TBCA: variants seen among roughly 807,000 people sequenced by gnomAD.
The protein encoded by TBCA is tubulin folding cofactor A.
In TBCA, 6 loss-of-function variants were observed where a neutral mutation model predicts 15.8. The observed-to-expected ratio is 0.38, with a 90% CI of 0.21 to 0.75. TBCA has a LOEUF of 0.75. Among genes scored for constraint, TBCA ranks in the 30% least tolerant of loss-of-function variants. The pLI, the probability that TBCA is intolerant of heterozygous loss-of-function variation, is 0.46. For missense variants in TBCA, 90 were observed against 131.2 expected (o/e 0.69, Z 1.53); for synonymous variants, 32 against 42.3 (o/e 0.76, Z 0.94).
intron 3 of TBCA, 161 bp from the exon 4 acceptor site, chr5:77,691,659 A>G (rs1370862162): frequency 7.3e-7 from 1 of 1,369,560 alleles, no homozygotes; most frequent in African/African-American, 1.5e-5. Context: ...GGTTTCCCAC[A>G]TTCTGTTCCT....
intron 1 of TBCA, among the ~76,000 whole-genome samples, chr5:77,737,059 T>C (rs1746926347): frequency 1.3e-5 from 2 of 152,208 alleles, no homozygotes; most frequent in Non-Finnish European, 2.9e-5. Flanking sequence ...CAAAAAGTTT[T>C]CTAAAGGACG....
chr5:77,702,203 TA>T (rs1479191242), intron 2 of TBCA, among the ~76,000 whole-genome samples: 2 of 152,004 alleles, frequency 1.3e-5, no homozygotes, highest in Admixed American at 6.6e-5. Context: ...TAAAATAAAA[TA>T]AAACCTATGT....
At chr5:77,767,159 T>C (rs550151879) in intron 1 of TBCA, among the ~76,000 whole-genome samples, 2 of 152,346 alleles carry the variant, frequency 1.3e-5, no homozygotes, top group South Asian at 4.1e-4. Flanking sequence ...AGTACAAATG[T>C]ATTTCAGGCA....
intron 1 of TBCA, among the ~76,000 whole-genome samples, chr5:77,750,923 G>A (rs1747311077): frequency 6.6e-6 from 1 of 152,152 alleles, no homozygotes; most frequent in South Asian, 2.1e-4. Context: ...AACATATTCT[G>A]ATTAGCAATT....
At chr5:77,754,632 A>G (rs1319686116) in intron 1 of TBCA, among the ~76,000 whole-genome samples, 2 of 152,314 alleles carry the variant, frequency 1.3e-5, no homozygotes, top group Non-Finnish European at 2.9e-5. Flanking sequence ...TAAGAACCTT[A>G]AGATTATATA....
intron 1 of TBCA, among the ~76,000 whole-genome samples, chr5:77,750,138 C>G (rs1580126663): frequency 7.1e-6 from 1 of 139,938 alleles, no homozygotes; most frequent in East Asian, 2.4e-4. Flanking sequence ...TGTGCTCTCT[C>G]TCTATATATA....
chr5:77,702,752 C>T lies in TBCA; in HGVS notation c.159+5490G>A, dbSNP rs532146460. Among the ~76,000 whole-genome samples the T allele has an allele frequency of 2.6e-5, 4 of 152,308 alleles. No homozygotes were observed. In the East Asian group the frequency reaches 7.7e-4, roughly 29 times the overall value. ...GAAGGAAGGATGAAGGATGTAACGA[C>T]ACCTCTTTGAATATCTTTTGGAATT... is the stretch of plus-strand genomic sequence containing the variant. On this transcript the variant is annotated intron_variant, in intron 2 of 3. Transcript: ENST00000380377.
intron 1 of TBCA, among the ~76,000 whole-genome samples, chr5:77,775,210 G>T (rs774126622): frequency 2.0e-5 from 3 of 152,204 alleles, no homozygotes; most frequent in Non-Finnish European, 4.4e-5. Flanking sequence ...TACTGTGTAT[G>T]TAAAATCGCA....
chr5:77,758,461 A>C (rs1747527877), intron 1 of TBCA, among the ~76,000 whole-genome samples: 2 of 152,208 alleles, frequency 1.3e-5, no homozygotes, highest in Non-Finnish European at 2.9e-5. Flanking sequence ...TTCATGTGAA[A>C]TCTTTAGTGT....
intron 1 of TBCA, among the ~76,000 whole-genome samples, chr5:77,732,847 T>C (rs946303565): frequency 6.6e-6 from 1 of 152,190 alleles, no homozygotes; most frequent in Non-Finnish European, 1.5e-5. Context: ...GACTGGCTGT[T>C]CTCTCATTTC....
intron 1 of TBCA, among the ~76,000 whole-genome samples, chr5:77,769,262 G>C (rs975774965): frequency 6.6e-6 from 1 of 152,164 alleles, no homozygotes; most frequent in Non-Finnish European, 1.5e-5. Context: ...TTCAAAGTAG[G>C]AAGGTAGCCA....
chr5:77,692,630 A>G, intron 3 of TBCA: 1 of 985,084 alleles, frequency 1.0e-6, no homozygotes. Flanking sequence ...TTTCTCAGCT[A>G]CTAGATTCAT....
chr5:77,733,467 C>G (rs1240224417), intron 1 of TBCA, among the ~76,000 whole-genome samples: 1 of 152,172 alleles, frequency 6.6e-6, no homozygotes, highest in African/African-American at 2.4e-5. Flanking sequence ...AGCAAAACAG[C>G]CTTCTTGCTG....
intron 1 of TBCA, among the ~76,000 whole-genome samples, chr5:77,762,882 G>C (rs1030258571): frequency 1.3e-5 from 2 of 152,234 alleles, no homozygotes; most frequent in Non-Finnish European, 2.9e-5. Flanking sequence ...GATTAAGTGA[G>C]TGAGTGTGGG....
intron 1 of TBCA, among the ~76,000 whole-genome samples, chr5:77,775,883 C>T (rs1748010283): frequency 6.6e-6 from 1 of 152,182 alleles, no homozygotes. Flanking sequence ...GGCACGGGAT[C>T]AGGGCCCGGC....
rs1436660270 is a variant in TBCA, at chr5:77,729,587, CG to C, written c.54-21241del. 2.0e-5 allele frequency among the ~76,000 whole-genome samples: 3 copies of C among 152,184 alleles called. No individual in the cohort carries two copies. In the East Asian group the frequency reaches 5.8e-4, roughly 29 times the overall value. ...AACTGTTTTATAAGCTTGCAATCTG[CG>C]TAAGATTGCTTTTGGAAGAAAAAAA... is the stretch of plus-strand genomic sequence containing the variant. On this transcript the variant is annotated intron_variant, in intron 1 of 3. Coordinates refer to ENST00000380377, the MANE Select transcript of TBCA (RefSeq NM_004607.3).
chr5:77,724,917 T>C (rs1746599374), intron 1 of TBCA, among the ~76,000 whole-genome samples: 1 of 152,206 alleles, frequency 6.6e-6, no homozygotes, highest in Non-Finnish European at 1.5e-5. Context: ...AAGAAATGTT[T>C]ATATAAATTC....
rs1177872708 is a variant in TBCA at position 77,752,848 on chromosome 5, GCGCCCGGCC to G, written c.53+23348_53+23356del. Reference sequence around the variant, plus strand: ...GCTGGGATTACAGGCGTGAGCCACCGCGCCCGGCCTCCGGCTTATTTTTAATAGAGACGG... The same window carrying G: ...GCTGGGATTACAGGCGTGAGCCACCGTCCGGCTTATTTTTAATAGAGACGG... On this transcript the variant is annotated intron_variant, in intron 1 of 3. Coordinates refer to ENST00000380377, the MANE Select transcript of TBCA (RefSeq NM_004607.3). Among the ~76,000 whole-genome samples, 6 of 47,862 alleles carry G rather than the reference GCGCCCGGCC, an allele frequency of 1.3e-4. 3 individuals carry two copies. Among genetic ancestry groups the G allele is most frequent in the Non-Finnish European group, 3.0e-4 (6 of 20,030 alleles). 31.4% of individuals were successfully genotyped at this position (47,862 alleles called of 152,430 possible).
intron 2 of TBCA, among the ~76,000 whole-genome samples, chr5:77,700,187 C>T (rs1745979468): frequency 6.6e-6 from 1 of 151,944 alleles, no homozygotes; most frequent in African/African-American, 2.4e-5. Flanking sequence ...CCTGGGCGAC[C>T]AAGCAAGATT....
Sources: gnomAD v4.1 joint callset for allele counts (sites outside exome capture counted in the v4.1 genomes callset) on GRCh38, gnomAD v4.1.1 for gene constraint, MANE v1.5 for transcripts, NCBI Gene and HGNC (gene_info 2026-07-23, HGNC 2026-07-21) for gene names.